Variants in AK9 observed in about 807,000 individuals in gnomAD.
The protein encoded by AK9 is adenylate kinase 9, also known as adenylate kinase domain containing 1.
A neutral mutation model predicts 239.6 loss-of-function variants in AK9; 191 were observed. That is an observed-to-expected ratio of 0.80 (90% confidence interval 0.71 to 0.90). The LOEUF is 0.90. Ranked by LOEUF, AK9 falls within the 40% of genes least tolerant of loss-of-function variation. The pLI, the probability that AK9 is intolerant of heterozygous loss-of-function variation, is 0.00. For missense variants in AK9, 1,995 were observed against 2,214.7 expected, an observed-to-expected ratio of 0.90 and a Z score of 1.99; for synonymous variants, 689 against 721.0, an observed-to-expected ratio of 0.96 and a Z score of 0.71.
chr6:109,651,465 A>G (rs1028875366), intron 8 of AK9, among the ~76,000 whole-genome samples: 4 of 152,208 alleles, frequency 2.6e-5, no homozygotes, highest in African/African-American at 9.6e-5. Context: ...AAGAGAAAGC[A>G]GGAACGATCT....
At chr6:109,632,415 G>T in intron 12 of AK9, 1 of 688,710 alleles carries the variant, frequency 1.5e-6, no homozygotes, top group Non-Finnish European at 1.8e-6. Flanking sequence ...AAATATGCTT[G>T]TTTCATACCA....
chr6:109,628,288 G>A (rs1345829832), intron 12 of AK9, among the ~76,000 whole-genome samples: 1 of 152,198 alleles, frequency 6.6e-6, no homozygotes, highest in Non-Finnish European at 1.5e-5. Context: ...CCTTTGAGAA[G>A]CTCTTGGCCA....
intron 7 of AK9, 59 bp from the exon 8 acceptor site, chr6:109,656,943 G>C: frequency 6.3e-7 from 1 of 1,582,606 alleles, no homozygotes; most frequent in Non-Finnish European, 8.6e-7. Context: ...CAATTTACAA[G>C]CCATATTCCC....
intron 29 of AK9, among the ~76,000 whole-genome samples, chr6:109,525,082 TG>T (rs1359308065): frequency 2.0e-5 from 3 of 152,222 alleles, no homozygotes; most frequent in Non-Finnish European, 2.9e-5. Context: ...CTTCTGCATA[TG>T]GATAACCAGT....
At chr6:109,597,500 A>G (rs1250711364) in intron 17 of AK9, among the ~76,000 whole-genome samples, 9 of 151,984 alleles carry the variant, frequency 5.9e-5, no homozygotes, top group Admixed American at 1.3e-4. Context: ...GTGAAACCCC[A>G]TCTCTACTAA....
At chr6:109,655,352 A>G (rs920561596) in intron 8 of AK9, among the ~76,000 whole-genome samples, 2 of 152,082 alleles carry the variant, frequency 1.3e-5, no homozygotes, top group African/African-American at 4.8e-5. Flanking sequence ...TTAATTGCTC[A>G]TATTTGTTGT....
chr6:109,533,498 AT>A, intron 27 of AK9, 28 bp from the exon 28 acceptor site: 1 of 1,532,550 alleles, frequency 6.5e-7, no homozygotes, highest in Non-Finnish European at 8.8e-7. Flanking sequence ...AATTTACTTT[AT>A]TTCATTAAAA....
intron 10 of AK9, among the ~76,000 whole-genome samples, chr6:109,633,653 T>C (rs1179946570): frequency 1.3e-5 from 2 of 152,208 alleles, no homozygotes; most frequent in Non-Finnish European, 2.9e-5. Flanking sequence ...TTTTCTATCA[T>C]CTTCCTTAGA....
At chr6:109,685,863 A>T (rs1054136672) in intron 1 of AK9, among the ~76,000 whole-genome samples, 1 of 152,208 alleles carries the variant, frequency 6.6e-6, no homozygotes, top group Non-Finnish European at 1.5e-5. Flanking sequence ...AAAGATGTAC[A>T]ATCCTGCTTA....
intron 12 of AK9, among the ~76,000 whole-genome samples, chr6:109,622,892 C>T (rs761324490): frequency 6.6e-6 from 1 of 151,960 alleles, no homozygotes; most frequent in Non-Finnish European, 1.5e-5. Flanking sequence ...TTTCCAATTT[C>T]TATGCCTAAT....
intron 16 of AK9, 61 bp from the exon 17 acceptor site, chr6:109,610,574 G>A: frequency 6.9e-7 from 1 of 1,450,092 alleles, no homozygotes; most frequent in Admixed American, 2.2e-5. Flanking sequence ...AATACTACTT[G>A]CAATAAAACA....
At chr6:109,552,849 A>T (rs967958964) in intron 24 of AK9, among the ~76,000 whole-genome samples, 5 of 152,162 alleles carry the variant, frequency 3.3e-5, no homozygotes, top group Non-Finnish European at 5.9e-5. Context: ...TTATACATTT[A>T]AGTCTTTAAT....
chr6:109,534,329 A>T (rs1003863292), intron 27 of AK9, among the ~76,000 whole-genome samples: 1 of 150,024 alleles, frequency 6.7e-6, no homozygotes, highest in Non-Finnish European at 1.5e-5. Context: ...TATTTTAATT[A>T]GAGAGCACTT....
intron 12 of AK9, among the ~76,000 whole-genome samples, chr6:109,630,025 A>G (rs1583326277): frequency 6.6e-6 from 1 of 152,334 alleles, no homozygotes; most frequent in Admixed American, 6.5e-5. Context: ...TTTGAATTAT[A>G]AGACCCTTGC....
intron 38 of AK9, 101 bp downstream of exon 38, chr6:109,497,356 ACACACACT>A (rs1374244789): frequency 2.8e-5 from 16 of 581,186 alleles, no homozygotes; most frequent in African/African-American, 2.0e-4. Flanking sequence ...ACACACACAC[ACACACACT>A]CTCTCTCTCT....
At chr6:109,624,421 AT>A (rs1233376260) in intron 12 of AK9, among the ~76,000 whole-genome samples, 1 of 152,104 alleles carries the variant, frequency 6.6e-6, no homozygotes, top group African/African-American at 2.4e-5. Flanking sequence ...ATGAGAGGCA[AT>A]TTTTTGTGTG....
intron 8 of AK9, among the ~76,000 whole-genome samples, chr6:109,650,630 G>A (rs1798787034): frequency 6.6e-6 from 1 of 152,196 alleles, no homozygotes; most frequent in African/African-American, 2.4e-5. Context: ...TACACTGTTG[G>A]TGGGACTGTA....
At chr6:109,512,447 T>C (rs1205400090) in intron 32 of AK9, among the ~76,000 whole-genome samples, 3 of 152,240 alleles carry the variant, frequency 2.0e-5, no homozygotes, top group African/African-American at 7.2e-5. Context: ...CTGTACTCTA[T>C]GGACTCGCCT....
intron 28 of AK9, among the ~76,000 whole-genome samples, chr6:109,532,444 C>T (rs1781400297): frequency 6.6e-6 from 1 of 152,194 alleles, no homozygotes. Context: ...CTTTCTACCT[C>T]AGCCTAGACT....
Sources: allele counts gnomAD v4.1 joint callset (sites outside exome capture counted in the v4.1 genomes callset), GRCh38; gene constraint gnomAD v4.1.1; transcripts MANE v1.5; gene names NCBI Gene and HGNC (gene_info 2026-07-23, HGNC 2026-07-21).